Variants in ADGRV1 observed in about 807,000 individuals in gnomAD.
ADGRV1 encodes the protein adhesion G protein-coupled receptor V1, also known as G-protein coupled receptor 98.
ADGRV1 carries 359 observed loss-of-function variants against 596.2 expected under a neutral mutation model. That is an observed-to-expected ratio of 0.60 (90% CI 0.55 to 0.66). ADGRV1 has a LOEUF of 0.66. ADGRV1 is among the 30% of genes least tolerant of loss of function. The pLI is 0.00. For missense variants in ADGRV1, 7,274 were observed against 7,575.6 expected (o/e 0.96, Z 1.48); for synonymous variants, 2,681 against 2,679.2 (o/e 1.00, Z -0.02).
chr5:91,100,154 G>A (rs1466222939), intron 86 of ADGRV1, among the ~76,000 whole-genome samples: 5 of 152,216 alleles, frequency 3.3e-5, no homozygotes, highest in Non-Finnish European at 7.3e-5. Flanking sequence ...GGGTACCATG[G>A]CTTATACCAG....
intron 11 of ADGRV1, among the ~76,000 whole-genome samples, chr5:90,642,258 G>T (rs1767063492): frequency 6.6e-6 from 1 of 152,098 alleles, no homozygotes; most frequent in East Asian, 1.9e-4. Flanking sequence ...TTTGTTTTAA[G>T]CTATCTTCTA....
intron 85 of ADGRV1, among the ~76,000 whole-genome samples, chr5:91,026,634 A>G (rs548609010): frequency 6.6e-6 from 1 of 152,252 alleles, no homozygotes; most frequent in Admixed American, 6.5e-5. Context: ...GCATTCCTGA[A>G]CTCAGAGGCG....
In ADGRV1 at chr5:90,902,867, G is replaced by A. The variant is rs142122792; in HGVS notation, c.17856+39010G>A. 4.4e-3 allele frequency among the ~76,000 whole-genome samples: 667 copies of A among 152,140 alleles called. 6 individuals carry two copies. The highest frequency in any genetic ancestry group is 0.015 in the African/African-American group (624 of 41,524). ...AGTTCACAAGTTCTCCATTTATGAC[G>A]GCATCATGCCTTTGCCATTCTGCCA... On this transcript the variant is annotated intron_variant, in intron 83 of 89. Transcript: ENST00000405460.
chr5:90,641,040 C>T (rs1766909121), intron 11 of ADGRV1, among the ~76,000 whole-genome samples: 1 of 152,148 alleles, frequency 6.6e-6, no homozygotes, highest in Non-Finnish European at 1.5e-5. Context: ...ATAAGGGGAG[C>T]TTACACAAAG....
At chr5:91,119,680 T>C (rs10063704) in intron 87 of ADGRV1, among the ~76,000 whole-genome samples, 87,567 of 152,156 alleles carry the variant, frequency 0.58, 27,658 homozygotes, top group South Asian at 0.72. Flanking sequence ...TTATCAACTT[T>C]GTAGCCAACT....
chr5:90,616,504 G>A (rs944329914), intron 2 of ADGRV1, among the ~76,000 whole-genome samples: 17 of 152,152 alleles, frequency 1.1e-4, no homozygotes, highest in African/African-American at 4.1e-4. Flanking sequence ...CTTTGAAACT[G>A]ATAGGGAAAT....
Position 91,164,212 on chromosome 5 carries a change from A to G in ADGRV1, c.*312A>G. ...AAGTAATAATCAATAAAGCAATAGA[A>G]TCTATTTGGTATCATCCAGCTTCAT... On this transcript the variant is annotated 3_prime_UTR_variant, in exon 90 of 90. Transcript: ENST00000405460. 2.6e-6 allele frequency: 1 copy of G among 383,302 alleles called. No homozygotes were observed. Among genetic ancestry groups the G allele is most frequent in the South Asian group, 2.2e-5 (1 of 44,450 alleles). The allele number at this position is 383,302 out of a possible 1,614,324, so 23.7% of individuals were successfully genotyped here.
chr5:91,108,928 TTAAG>T (rs1204685331), intron 87 of ADGRV1, among the ~76,000 whole-genome samples: 1 of 152,120 alleles, frequency 6.6e-6, no homozygotes, highest in Non-Finnish European at 1.5e-5. Context: ...CTGATGCACT[TTAAG>T]TAAGAAAATC....
chr5:90,596,350 C>G (rs1192375549), intron 1 of ADGRV1, among the ~76,000 whole-genome samples: 2 of 151,580 alleles, frequency 1.3e-5, no homozygotes, highest in Non-Finnish European at 2.9e-5. Context: ...AGACGATGGG[C>G]GGCCAGGCAG....
At chr5:90,939,386 G>T (rs895068578) in intron 83 of ADGRV1, among the ~76,000 whole-genome samples, 3 of 152,214 alleles carry the variant, frequency 2.0e-5, no homozygotes, top group Non-Finnish European at 2.9e-5. Flanking sequence ...GAGCAATGAC[G>T]ATTAGGTTAA....
intron 87 of ADGRV1, among the ~76,000 whole-genome samples, chr5:91,119,099 C>T (rs1242101320): frequency 6.6e-6 from 1 of 152,178 alleles, no homozygotes; most frequent in East Asian, 1.9e-4. Flanking sequence ...AAGGACTCAA[C>T]TCTGCTTTGA....
chr5:91,075,941 G>A (rs1187448230), intron 86 of ADGRV1, among the ~76,000 whole-genome samples: 1 of 152,066 alleles, frequency 6.6e-6, no homozygotes, highest in Non-Finnish European at 1.5e-5. Context: ...AAATTTTCCT[G>A]ATATTGCCAT....
chr5:91,043,633 CTT>C (rs1428835615), intron 85 of ADGRV1, among the ~76,000 whole-genome samples: 1 of 152,110 alleles, frequency 6.6e-6, no homozygotes, highest in Admixed American at 6.6e-5. Flanking sequence ...GTAATTACCT[CTT>C]AGGATTATTG....
chr5:90,790,457 G>T (rs1248075949), intron 69 of ADGRV1, among the ~76,000 whole-genome samples: 1 of 152,128 alleles, frequency 6.6e-6, no homozygotes, highest in East Asian at 1.9e-4. Context: ...AATAATGATT[G>T]ATTTTTTATA....
intron 84 of ADGRV1, among the ~76,000 whole-genome samples, chr5:90,982,294 A>G (rs1349454313): frequency 1.3e-5 from 2 of 152,188 alleles, no homozygotes; most frequent in African/African-American, 2.4e-5. Flanking sequence ...CGTTGGTTTC[A>G]TGATACTTTG....
intron 75 of ADGRV1, among the ~76,000 whole-genome samples, chr5:90,816,905 A>G (rs1762953102): frequency 6.6e-6 from 1 of 152,260 alleles, no homozygotes; most frequent in African/African-American, 2.4e-5. Flanking sequence ...AGCATGATCT[A>G]TAGTCCTTTG....
chr5:90,707,272 C>T (rs1748722600), intron 38 of ADGRV1, among the ~76,000 whole-genome samples: 1 of 152,048 alleles, frequency 6.6e-6, no homozygotes, highest in South Asian at 2.1e-4. Flanking sequence ...TACCTAAATA[C>T]AGTTCCAAGA....
intron 85 of ADGRV1, among the ~76,000 whole-genome samples, chr5:91,058,026 G>A (rs1787047911): frequency 6.6e-6 from 1 of 152,126 alleles, no homozygotes; most frequent in Non-Finnish European, 1.5e-5. Context: ...AGAATAAAAT[G>A]TTTCAGACAT....
intron 86 of ADGRV1, among the ~76,000 whole-genome samples, chr5:91,081,679 G>T (rs1789397485): frequency 6.6e-6 from 1 of 152,084 alleles, no homozygotes; most frequent in East Asian, 1.9e-4. Flanking sequence ...CCAGCTACTT[G>T]GGAGGCTGAG....
Sources: gnomAD v4.1 joint callset for allele counts (sites outside exome capture counted in the v4.1 genomes callset) on GRCh38, gnomAD v4.1.1 for gene constraint, MANE v1.5 for transcripts, NCBI Gene and HGNC (gene_info 2026-07-23, HGNC 2026-07-21) for gene names.